The following EPB41 variants were observed in gnomAD, a reference collection of about 807,000 sequenced individuals.
The protein encoded by EPB41 is erythrocyte membrane protein band 4.1, also known as protein 4.1.
In EPB41, 65 loss-of-function variants were observed where a neutral mutation model predicts 108.0. That is an observed-to-expected ratio of 0.60 (90% confidence interval 0.49 to 0.74). The LOEUF is 0.74. EPB41 is among the 30% of genes least tolerant of loss of function. The pLI is 0.00. For missense variants in EPB41, 875 were observed against 1,037.0 expected, an observed-to-expected ratio of 0.84 and a Z score of 2.15; for synonymous variants, 336 against 358.9, an observed-to-expected ratio of 0.94 and a Z score of 0.72.
chr1:28,949,612 A>AT (rs556293621), intron 1 of EPB41, among the ~76,000 whole-genome samples: 76 of 146,184 alleles, frequency 5.2e-4, no homozygotes, highest in East Asian at 1.8e-3. Context: ...ATTTATTTTT[A>AT]TTTTTTTTTT....
Position 29,109,362 on chromosome 1 carries a change from C to T in EPB41, c.2340C>T (p.Asp780=). 6.2e-7 allele frequency: 1 copy of T among 1,614,040 alleles called. No individual in the cohort carries two copies. Among genetic ancestry groups the T allele is most frequent in the Non-Finnish European group, 8.5e-7 (1 of 1,179,984 alleles). Residue 780 remains aspartate (D), a synonymous_variant, in exon 18 of 21, where the codon GAC becomes GAT. Coordinates refer to ENST00000343067, the MANE Select transcript of EPB41 (RefSeq NM_001376013.1). ...CTGACGACAACAGTGGAGACTTGGA[C>T]CCAGGAGTCTTGCTGACAGCTCAAA... The part of the protein sequence containing the change: ...AQTDDNSGDL[D]PGVLLTAQTI...
intron 1 of EPB41, among the ~76,000 whole-genome samples, chr1:28,983,789 G>A (rs563077488): frequency 1.2e-4 from 18 of 152,202 alleles, no homozygotes; most frequent in South Asian, 4.1e-4. Flanking sequence ...TGCCATCCAC[G>A]AACAGCTTAA....
chr1:29,031,031 G>A (rs1430154288), intron 8 of EPB41, among the ~76,000 whole-genome samples: 1 of 151,804 alleles, frequency 6.6e-6, no homozygotes, highest in Non-Finnish European at 1.5e-5. Flanking sequence ...CCGTGGTCTC[G>A]ATCTCCTGAC....
At chr1:29,069,129 AT>A in intron 16 of EPB41, 4 of 1,223,636 alleles carry the variant, frequency 3.3e-6, no homozygotes, top group Non-Finnish European at 4.1e-6. Flanking sequence ...ATAATTTTGC[AT>A]CCTTTCTTTT....
intron 1 of EPB41, among the ~76,000 whole-genome samples, chr1:28,927,557 A>T (rs1005491003): frequency 1.3e-5 from 2 of 152,198 alleles, no homozygotes; most frequent in Admixed American, 6.5e-5. Context: ...TGTATCAGAT[A>T]CTACTCTCTG....
chr1:29,040,478 A>C (rs191380047), intron 11 of EPB41, among the ~76,000 whole-genome samples: 3 of 152,036 alleles, frequency 2.0e-5, no homozygotes, highest in Non-Finnish European at 4.4e-5. Flanking sequence ...ACAGGGTTTC[A>C]CTATGTTCGC....
At chr1:29,037,272 G>A (rs902615487) in intron 10 of EPB41, among the ~76,000 whole-genome samples, 1 of 151,310 alleles carries the variant, frequency 6.6e-6, no homozygotes, top group Non-Finnish European at 1.5e-5. Context: ...AGTAGAGATG[G>A]AGTTTCACTA....
At chr1:29,029,480 G>C (rs558283956) in intron 7 of EPB41, among the ~76,000 whole-genome samples, 1 of 152,314 alleles carries the variant, frequency 6.6e-6, no homozygotes, top group East Asian at 1.9e-4. Context: ...GCAGCTTTCT[G>C]TAGCTTGAGG....
intron 11 of EPB41, among the ~76,000 whole-genome samples, chr1:29,052,326 C>A (rs972717723): frequency 4.6e-5 from 7 of 152,182 alleles, no homozygotes; most frequent in Non-Finnish European, 7.3e-5. Context: ...CGGACATTGC[C>A]AGATATTCTC....
In EPB41 at chr1:29,051,088, G is replaced by GTTT. The variant is rs71586885; in HGVS notation, c.1637-1989_1637-1987dup. Reference sequence around the variant, plus strand: ...AGCATTTCTTTCTTTTTCTTTTTCTGTTTTTTTTTTTTTTTTTTTTTTTTT... The same window carrying GTTT: ...AGCATTTCTTTCTTTTTCTTTTTCTGTTTTTTTTTTTTTTTTTTTTTTTTTTTT... On this transcript the variant is annotated intron_variant, in intron 11 of 20. Transcript: ENST00000343067. Among the ~76,000 whole-genome samples, 8 of 51,576 alleles carry GTTT rather than the reference G, an allele frequency of 1.6e-4. 1 individual carries two copies. Among genetic ancestry groups the GTTT allele is most frequent in the Non-Finnish European group, 2.6e-4 (8 of 30,952 alleles). The allele number at this position is 51,576 out of a possible 152,430, so 33.8% of individuals were successfully genotyped here. A position where few individuals can be genotyped will look rare whatever the true frequency, so the allele number is the denominator to read the frequency against.
chr1:28,956,744 C>T (rs2094963197), intron 1 of EPB41, among the ~76,000 whole-genome samples: 1 of 152,188 alleles, frequency 6.6e-6, no homozygotes, highest in Non-Finnish European at 1.5e-5. Context: ...ACCTACTATA[C>T]AGTTCTTCTG....
At chr1:28,927,113 TGGGAGGG>T (rs1448819673) in intron 1 of EPB41, among the ~76,000 whole-genome samples, 12 of 152,128 alleles carry the variant, frequency 7.9e-5, no homozygotes, top group African/African-American at 2.7e-4. Context: ...GGGTTTGAGT[TGGGAGGG>T]TGTTTTTGAA....
intron 1 of EPB41, among the ~76,000 whole-genome samples, chr1:28,919,391 G>A (rs2092910076): frequency 6.6e-6 from 1 of 151,996 alleles, no homozygotes; most frequent in African/African-American, 2.4e-5. Context: ...TGCAATCTGG[G>A]TAGGAACTGG....
At chr1:29,078,661 T>TCAC (rs1174593970) in intron 16 of EPB41, among the ~76,000 whole-genome samples, 10 of 152,178 alleles carry the variant, frequency 6.6e-5, no homozygotes, top group African/African-American at 2.4e-4. Context: ...GGTAAGAGGA[T>TCAC]CATTTGAACC....
At chr1:28,907,746 G>A (rs1229032505) in intron 1 of EPB41, among the ~76,000 whole-genome samples, 1 of 152,080 alleles carries the variant, frequency 6.6e-6, no homozygotes. Context: ...TCGAGTAGCT[G>A]GGACCACAGG....
chr1:28,912,806 T>TG (rs1307188458), upstream of EPB41, among the ~76,000 whole-genome samples: 3 of 151,690 alleles, frequency 2.0e-5, no homozygotes, highest in Non-Finnish European at 2.9e-5. Flanking sequence ...TTAGTAGAGA[T>TG]GGGGTTTCAC....
chr1:29,000,494 AG>A (rs1479791168), intron 4 of EPB41, among the ~76,000 whole-genome samples: 22 of 152,260 alleles, frequency 1.4e-4, no homozygotes, highest in Admixed American at 3.3e-4. Flanking sequence ...TTAATATAAA[AG>A]CTTAATAACA....
chr1:29,084,489 G>A (rs994178954), intron 16 of EPB41, among the ~76,000 whole-genome samples: 4 of 152,202 alleles, frequency 2.6e-5, no homozygotes. Context: ...TAGCTTAACG[G>A]ATGTAGTGGA....
chr1:28,926,828 T>C (rs2093473562), intron 1 of EPB41, among the ~76,000 whole-genome samples: 1 of 152,236 alleles, frequency 6.6e-6, no homozygotes, highest in African/African-American at 2.4e-5. Flanking sequence ...TCTACTTAAA[T>C]TGGATGTCTG....
Sources: allele counts gnomAD v4.1 joint callset (sites outside exome capture counted in the v4.1 genomes callset), GRCh38; gene constraint gnomAD v4.1.1; transcripts MANE v1.5; gene names NCBI Gene and HGNC (gene_info 2026-07-23, HGNC 2026-07-21).